Variants in ADAM9 observed in about 807,000 individuals in gnomAD.
ADAM9 encodes ADAM metallopeptidase domain 9.
ADAM9 carries 54 observed loss-of-function variants against 108.1 expected under a neutral mutation model. That is an observed-to-expected ratio of 0.50 (90% confidence interval 0.40 to 0.63). The LOEUF (loss-of-function observed/expected upper bound fraction) is 0.63. ADAM9 is among the 20% of genes least tolerant of loss of function. The pLI is 0.00. For missense variants in ADAM9, 830 were observed against 997.7 expected (o/e 0.83, Z 2.26); for synonymous variants, 316 against 336.0 (o/e 0.94, Z 0.65).
intron 11 of ADAM9, among the ~76,000 whole-genome samples, chr8:39,029,128 G>GTT (rs1229961755): frequency 4.9e-5 from 4 of 80,904 alleles, no homozygotes; most frequent in African/African-American, 2.1e-4. Flanking sequence ...AAGTGTTGTT[G>GTT]TTGTTTTTTT....
chr8:39,064,445 T>A (rs1838393816), intron 14 of ADAM9, among the ~76,000 whole-genome samples: 1 of 152,210 alleles, frequency 6.6e-6, no homozygotes, highest in Non-Finnish European at 1.5e-5. Context: ...TCATTTATTA[T>A]AAGCAATTGG....
chr8:39,036,520 T>C (rs1313751522), intron 11 of ADAM9, among the ~76,000 whole-genome samples: 1 of 152,122 alleles, frequency 6.6e-6, no homozygotes, highest in African/African-American at 2.4e-5. Flanking sequence ...TTATTGTCGA[T>C]CTCCTTTTGA....
rs1194025457 is a variant in ADAM9 at position 39,045,081 on chromosome 8, TGCATACATAC to T, written c.1302+2965_1302+2974del. Among the ~76,000 whole-genome samples, 142 of 30,274 alleles carry T rather than the reference TGCATACATAC, an allele frequency of 4.7e-3. 2 individuals are homozygous for T. Among genetic ancestry groups the T allele is most frequent in the Non-Finnish European group, 6.2e-3 (97 of 15,524 alleles). 19.9% of individuals were successfully genotyped at this position (30,274 alleles called of 152,430 possible). ...GTGTGCATACATACATATGTGTGTG[TGCATACATAC>T]ATATGTGTGTGTGCATACATACATA... On this transcript the variant is annotated intron_variant, in intron 12 of 21. Coordinates refer to ENST00000487273, the MANE Select transcript of ADAM9 (RefSeq NM_003816.3).
In ADAM9 at chr8:39,001,671, G is replaced by GT. The variant is rs1020330184; in HGVS notation, c.97+4525dup. Among the ~76,000 whole-genome samples the GT allele has an allele frequency of 6.8e-3, 986 of 144,502 alleles. 2 individuals carry two copies. The highest frequency in any genetic ancestry group is 7.8e-3 in the East Asian group (39 of 5,006). The allele number at this position is 144,502 out of a possible 152,430, so 94.8% of individuals were successfully genotyped here. On this transcript the variant is annotated intron_variant, in intron 1 of 21. Coordinates refer to ENST00000487273, the MANE Select transcript of ADAM9 (RefSeq NM_003816.3). ...TTATAATTAAGTATGTTTGAAGGTA[G>GT]TTTTTTTTTTTTTTGAGATGGAGTC...
In ADAM9 at chr8:39,103,593, T is replaced by A. The variant is rs1839767842; in HGVS notation, c.2367-14T>A. The A allele has an allele frequency of 6.2e-7, 1 of 1,612,414 alleles. No individual in the cohort carries two copies. Among genetic ancestry groups the A allele is most frequent in the Non-Finnish European group, 8.5e-7 (1 of 1,178,622 alleles). On this transcript the variant is annotated splice_polypyrimidine_tract_variant and intron_variant, in intron 21 of 21. Coordinates refer to ENST00000487273, the MANE Select transcript of ADAM9 (RefSeq NM_003816.3). Reference sequence around the variant, plus strand: ...GTCTAAACACTCTATTAACTATCTCTTTTCCCCTCGCAGGCCACCTCCACC... The same window carrying A: ...GTCTAAACACTCTATTAACTATCTCATTTCCCCTCGCAGGCCACCTCCACC...
At chr8:39,085,701 T>G (rs995952364) in intron 18 of ADAM9, among the ~76,000 whole-genome samples, 1 of 152,196 alleles carries the variant, frequency 6.6e-6, no homozygotes, top group Non-Finnish European at 1.5e-5. Context: ...ATCCTTTTCT[T>G]TGTATATAAT....
intron 12 of ADAM9, among the ~76,000 whole-genome samples, chr8:39,050,733 G>A (rs1263761800): frequency 2.6e-5 from 4 of 151,994 alleles, no homozygotes; most frequent in Non-Finnish European, 1.5e-5. Context: ...GTTCTGAGAG[G>A]GGAGAAAGAA....
chr8:39,036,622 T>C (rs1588363212), intron 11 of ADAM9, among the ~76,000 whole-genome samples: 1 of 152,106 alleles, frequency 6.6e-6, no homozygotes, highest in East Asian at 1.9e-4. Context: ...TGATAGAGAG[T>C]AGAAATACTT....
chr8:39,003,061 A>G (rs1482835386), intron 1 of ADAM9, among the ~76,000 whole-genome samples: 3 of 152,154 alleles, frequency 2.0e-5, no homozygotes, highest in African/African-American at 7.2e-5. Context: ...TGTTTTGTAG[A>G]GGCAGGGTTT....
At chr8:39,018,809 C>T in intron 6 of ADAM9, 44 bp from the exon 7 acceptor site, 1 of 1,555,440 alleles carries the variant, frequency 6.4e-7, no homozygotes, top group East Asian at 2.2e-5. Flanking sequence ...TGATCATAGC[C>T]TTATAACTTC....
chr8:39,099,332 GT>G (rs1048358454), intron 20 of ADAM9, among the ~76,000 whole-genome samples: 32 of 151,058 alleles, frequency 2.1e-4, no homozygotes, highest in Non-Finnish European at 2.4e-4. Context: ...TACGTTCTTG[GT>G]TTTTTTTTGG....
chr8:39,060,558 A>C (rs773027414), intron 14 of ADAM9, among the ~76,000 whole-genome samples: 2 of 152,208 alleles, frequency 1.3e-5, no homozygotes, highest in Non-Finnish European at 2.9e-5. Context: ...TCCCCTTAGA[A>C]AGGATATCTT....
intron 12 of ADAM9, among the ~76,000 whole-genome samples, chr8:39,048,998 GT>G (rs34077661): frequency 0.47 from 57,158 of 121,300 alleles, 11,814 homozygotes; most frequent in East Asian, 0.71. Context: ...ATAGCATATA[GT>G]TTTTTTTTTT....
intron 1 of ADAM9, among the ~76,000 whole-genome samples, chr8:39,003,523 A>G (rs1290651909): frequency 2.6e-5 from 4 of 151,802 alleles, no homozygotes; most frequent in East Asian, 3.8e-4. Context: ...TTTGGGGAAA[A>G]TCTATGCAGG....
intron 11 of ADAM9, among the ~76,000 whole-genome samples, chr8:39,036,961 T>TA (rs1837295840): frequency 1.3e-5 from 2 of 152,060 alleles, no homozygotes; most frequent in Admixed American, 6.5e-5. Flanking sequence ...TGAGCTTATT[T>TA]AAAAAATAAC....
intron 8 of ADAM9, 105 bp downstream of exon 8, chr8:39,021,819 C>G (rs112712064): frequency 1.0e-6 from 1 of 980,406 alleles, no homozygotes; most frequent in Non-Finnish European, 1.6e-6. Flanking sequence ...CATAGGGCCT[C>G]AATGACTTAG....
Position 39,006,620 on chromosome 8 carries a change from T to C in ADAM9, c.98-1266T>C, listed in dbSNP as rs1441307122. Among the ~76,000 whole-genome samples the C allele has an allele frequency of 2.9e-5, 4 of 138,114 alleles. No individual in the cohort carries two copies. The East Asian group carries it at 6.9e-4, about 24-fold the overall frequency. The allele number at this position is 138,114 out of a possible 152,430, so 90.6% of individuals were successfully genotyped here. A position where few individuals can be genotyped will look rare whatever the true frequency, so the allele number is the denominator to read the frequency against. ...TAATAATGCTGGAAGAAAAAGAGGT[T>C]GTGTTGGACTTATCGAGAGACTATG... On this transcript the variant is annotated intron_variant, in intron 1 of 21. Coordinates refer to ENST00000487273, the MANE Select transcript of ADAM9 (RefSeq NM_003816.3).
intron 16 of ADAM9, among the ~76,000 whole-genome samples, chr8:39,080,989 G>A (rs1839005589): frequency 8.8e-6 from 1 of 113,216 alleles, no homozygotes; most frequent in African/African-American, 3.4e-5. Flanking sequence ...CTCGCTCTTT[G>A]ACCCAGGCTG....
At chr8:39,090,285 G>A (rs1366799606) in intron 19 of ADAM9, 97 bp downstream of exon 19, 1 of 1,057,376 alleles carries the variant, frequency 9.5e-7, no homozygotes, top group Non-Finnish European at 1.4e-6. Context: ...GATTCCCCCT[G>A]CCTCAGCCTT....
Sources: allele counts gnomAD v4.1 joint callset (sites outside exome capture counted in the v4.1 genomes callset), GRCh38; gene constraint gnomAD v4.1.1; transcripts MANE v1.5; gene names NCBI Gene and HGNC (gene_info 2026-07-23, HGNC 2026-07-21).